EPHA4: variants seen among roughly 807,000 people sequenced by gnomAD.
EPHA4 encodes ephrin type-A receptor 4.
Under a neutral mutation model 108.3 loss-of-function variants are expected in EPHA4, and 19 were observed. The ratio of observed to expected loss-of-function variants is 0.18; its 90% CI spans 0.12 to 0.26. EPHA4 has a LOEUF of 0.26. EPHA4 is among the 10% of genes least tolerant of loss of function. The probability of loss-of-function intolerance (pLI) is 1.00; values close to 1 mark genes in which losing one functional copy is unlikely to be tolerated. For missense variants in EPHA4, 917 were observed against 1,254.0 expected, an observed-to-expected ratio of 0.73 and a Z score of 4.06; for synonymous variants, 449 against 455.5, an observed-to-expected ratio of 0.99 and a Z score of 0.18.
In EPHA4 at chr2:221,456,639, T is replaced by C; in HGVS notation, c.1577A>G (p.Glu526Gly). Residue 526 changes from glutamate to glycine, a missense_variant, in exon 7 of 18, where the codon GAG becomes GGG. Glu to Gly is a moderately conservative substitution (Grantham distance 98). This residue lies in a region of EPHA4 where 758 missense variants were observed against 1,076.7 expected (regional missense o/e 0.70). Transcript: ENST00000281821. ...TGTGTTGGTTGTAACCTCCAAGGGC[T>C]CACTGAAGTCTCCATAGCCAGCTGC... Reference protein sequence around the residue: ...RTAAGYGDFSEPLEVTTNTVP... With the variant: ...RTAAGYGDFSGPLEVTTNTVP... 1 of 1,613,902 alleles carries C rather than the reference T, an allele frequency of 6.2e-7. No homozygotes were observed. Among genetic ancestry groups the C allele is most frequent in the Non-Finnish European group, 8.5e-7 (1 of 1,179,830 alleles).
At chr2:221,569,471 G>C (rs1297702735) in intron 1 of EPHA4, 1 of 152,228 alleles carries the variant, frequency 6.6e-6, no homozygotes, top group Non-Finnish European at 1.5e-5. Context: ...GAAATCACTG[G>C]CTTGAATTTT....
chr2:221,562,237 G>A (rs1241404486), intron 3 of EPHA4, among the ~76,000 whole-genome samples: 1 of 147,892 alleles, frequency 6.8e-6, no homozygotes, highest in African/African-American at 2.5e-5. Flanking sequence ...TTAACACTGA[G>A]TCAACAGAAA....
intron 8 of EPHA4, among the ~76,000 whole-genome samples, chr2:221,452,804 C>T (rs894816231): frequency 5.3e-5 from 8 of 151,878 alleles, no homozygotes; most frequent in Non-Finnish European, 1.0e-4. Context: ...ATTGGAAATC[C>T]GATGCATCCT....
At chr2:221,555,286 GGCTCT>G (rs1418270272) in intron 3 of EPHA4, among the ~76,000 whole-genome samples, 1 of 152,166 alleles carries the variant, frequency 6.6e-6, no homozygotes, top group African/African-American at 2.4e-5. Flanking sequence ...TAAATCATTG[GGCTCT>G]GCATAAACAG....
intron 2 of EPHA4, among the ~76,000 whole-genome samples, 159 bp downstream of exon 2, chr2:221,568,559 G>A (rs1466580027): frequency 6.6e-6 from 1 of 152,160 alleles, no homozygotes; most frequent in East Asian, 1.9e-4. Context: ...TCCAAAGGGA[G>A]TATAGGATTT....
intron 2 of EPHA4, among the ~76,000 whole-genome samples, chr2:221,566,824 AAGG>A (rs1396773317): frequency 3.6e-5 from 5 of 139,926 alleles, no homozygotes; most frequent in African/African-American, 1.4e-4. Context: ...GAAGGAGAAG[AAGG>A]AGAAGGAGAA....
chr2:221,496,251 G>A (rs916522921), intron 4 of EPHA4, among the ~76,000 whole-genome samples: 1 of 152,128 alleles, frequency 6.6e-6, no homozygotes, highest in African/African-American at 2.4e-5. Context: ...TTTCTGTGGT[G>A]ATAGAAACGT....
At chr2:221,490,146 A>C (rs79783869) in intron 4 of EPHA4, among the ~76,000 whole-genome samples, 6 of 16,828 alleles carry the variant, frequency 3.6e-4, no homozygotes, top group African/African-American at 1.6e-3. Context: ...ACCCTGTCTC[A>C]AAAAAAAAAA....
chr2:221,493,943 G>A (rs1692230527), intron 4 of EPHA4, among the ~76,000 whole-genome samples: 1 of 152,062 alleles, frequency 6.6e-6, no homozygotes, highest in Admixed American at 6.6e-5. Flanking sequence ...GAATATTTTC[G>A]GCCACGTCTA....
chr2:221,422,644 T>C (rs548830522), intron 17 of EPHA4, among the ~76,000 whole-genome samples: 55 of 152,320 alleles, frequency 3.6e-4, no homozygotes, highest in African/African-American at 1.3e-3. Context: ...CTCCTCACCA[T>C]TGAATTCAGG....
intron 4 of EPHA4, among the ~76,000 whole-genome samples, chr2:221,496,192 C>A (rs1046903217): frequency 6.6e-6 from 1 of 152,084 alleles, no homozygotes; most frequent in Non-Finnish European, 1.5e-5. Context: ...TGAGAAACTC[C>A]TACTGTCTTC....
At chr2:221,476,134 C>T (rs1375668714) in intron 5 of EPHA4, among the ~76,000 whole-genome samples, 1 of 152,156 alleles carries the variant, frequency 6.6e-6, no homozygotes, top group African/African-American at 2.4e-5. Context: ...GCATGAGAAT[C>T]GCTGGAACCT....
chr2:221,458,489 A>G lies in EPHA4; in HGVS notation c.1319-499T>C, dbSNP rs914550930. Among the ~76,000 whole-genome samples the G allele has an allele frequency of 5.9e-5, 9 of 152,328 alleles. No individual in the cohort carries two copies. The South Asian group carries it at 1.7e-3, about 28-fold the overall frequency. On this transcript the variant is annotated intron_variant, in intron 5 of 17. Coordinates refer to ENST00000281821, the MANE Select transcript of EPHA4 (RefSeq NM_004438.5). The stretch of plus-strand genomic sequence containing the variant: ...GAATGCCAAAAGGGAAACAATTTAC[A>G]TACTTTCCAATATAAATAAAAGTAC...
intron 5 of EPHA4, among the ~76,000 whole-genome samples, chr2:221,474,748 G>T (rs1691607523): frequency 6.6e-6 from 1 of 152,092 alleles, no homozygotes; most frequent in East Asian, 1.9e-4. Context: ...GATTTCACTA[G>T]TACCATCATT....
intron 3 of EPHA4, among the ~76,000 whole-genome samples, chr2:221,547,573 G>A (rs549049581): frequency 4.6e-5 from 7 of 152,292 alleles, no homozygotes; most frequent in South Asian, 4.2e-4. Context: ...TTGTAAGGCC[G>A]TTCAAAATAA....
intron 3 of EPHA4, among the ~76,000 whole-genome samples, chr2:221,514,658 A>G (rs1228578655): frequency 6.6e-6 from 1 of 152,192 alleles, no homozygotes; most frequent in Non-Finnish European, 1.5e-5. Flanking sequence ...TGTATAAATT[A>G]TAAATCACAA....
chr2:221,568,167 T>C (rs150671029), intron 2 of EPHA4, among the ~76,000 whole-genome samples: 1 of 152,354 alleles, frequency 6.6e-6, no homozygotes, highest in Admixed American at 6.5e-5. Context: ...GCACCATTAA[T>C]ACACAGGCTT....
At chr2:221,441,744 C>G (rs1435741700) in intron 11 of EPHA4, among the ~76,000 whole-genome samples, 2 of 152,160 alleles carry the variant, frequency 1.3e-5, no homozygotes, top group African/African-American at 2.4e-5. Context: ...TGTGCTCCCC[C>G]TCCTACAAGA....
At position 221,450,207 on chromosome 2, in the gene EPHA4, G is replaced by A. The variant is rs183839516; in HGVS notation, c.1716-4026C>T. On this transcript the variant is annotated intron_variant, in intron 8 of 17. Transcript: ENST00000281821. ...GCGGACCACCTGAGGTCAGGGGTTCGCGACCAGCCTGGCCAACATGGTGAA... is the reference window on the plus strand; with the variant it reads ...GCGGACCACCTGAGGTCAGGGGTTCACGACCAGCCTGGCCAACATGGTGAA... Among the ~76,000 whole-genome samples the A allele has an allele frequency of 1.2e-4, 18 of 152,284 alleles. No homozygotes were observed. The East Asian group carries it at 2.1e-3, about 18-fold the overall frequency.
Sources: allele counts gnomAD v4.1 joint callset (sites outside exome capture counted in the v4.1 genomes callset), GRCh38; gene constraint gnomAD v4.1.1; regional missense constraint gnomAD v4.1.1; transcripts MANE v1.5; gene names NCBI Gene and HGNC (gene_info 2026-07-23, HGNC 2026-07-21).